The following LRRC9 variants were observed in gnomAD, a reference collection of about 807,000 sequenced individuals.
LRRC9 encodes the protein leucine rich repeat containing 9.
A neutral mutation model predicts 63.2 loss-of-function variants in LRRC9; 122 were observed. The ratio of observed to expected loss-of-function variants is 1.93; its 90% confidence interval spans 1.67 to 2.24. LRRC9 has a LOEUF of 2.24. Ranked by LOEUF, LRRC9 falls within the 30% of genes most tolerant of loss-of-function variation. The pLI is 0.00. For missense variants in LRRC9, 1,071 were observed against 627.7 expected, an observed-to-expected ratio of 1.71 and a Z score of -7.55; for synonymous variants, 366 against 213.1, an observed-to-expected ratio of 1.72 and a Z score of -6.25.
chr14:60,020,747 T>C lies in LRRC9; in HGVS notation c.3566+1487T>C, dbSNP rs1891057064. ...AGACGGTCTTTTGCCTCTGGCTTCT[T>C]ACACTCAGCATGATGTTTTCAAGGT... On this transcript the variant is annotated intron_variant, in intron 26 of 31. Coordinates refer to ENST00000445360, the Ensembl canonical transcript of LRRC9. Among the ~76,000 whole-genome samples, 7 of 152,080 alleles carry C rather than the reference T, an allele frequency of 4.6e-5. No homozygotes were observed. The South Asian group carries it at 1.5e-3, about 32-fold the overall frequency.
rs527371785 is a variant in LRRC9, at chr14:59,932,989, G to A, written c.543+950G>A. Among the ~76,000 whole-genome samples the A allele has an allele frequency of 1.3e-5, 2 of 152,114 alleles. No homozygotes were observed. Among genetic ancestry groups the A allele is most frequent in the African/African-American group, 4.8e-5 (2 of 41,518 alleles). ...CCCCACCACCCCTACCTATCTCTTT[G>A]ACTACAGTTTCTACCACTCTCTCCT... On this transcript the variant is annotated intron_variant, in intron 6 of 31. Coordinates refer to ENST00000445360, the Ensembl canonical transcript of LRRC9. The surrounding 1 kb of genome is among the most constrained non-coding windows in gnomAD (Gnocchi z 4.7).
intron 22 of LRRC9, among the ~76,000 whole-genome samples, chr14:60,007,169 A>G (rs983319833): frequency 6.6e-6 from 1 of 152,130 alleles, no homozygotes; most frequent in Admixed American, 6.6e-5. Flanking sequence ...TTGCTGATAC[A>G]ATATTACTAG....
At chr14:60,040,588 AT>A (rs1007522577) in intron 29 of LRRC9, among the ~76,000 whole-genome samples, 1 of 151,436 alleles carries the variant, frequency 6.6e-6, no homozygotes, top group African/African-American at 2.4e-5. Flanking sequence ...CAACCCCTGC[AT>A]TTTTTTGTTT....
chr14:60,042,131 C>G lies in LRRC9; in HGVS notation c.3990+10068C>G, dbSNP rs1044014676. On this transcript the variant is annotated intron_variant, in intron 29 of 31. Transcript: ENST00000445360. The surrounding 1 kb of genome is among the most constrained non-coding windows in gnomAD (Gnocchi z 4.2). ...TGGAACCTTCGTCTCAGAGGGGCAC[C>G]CAGCTGTATGAGGTGTCAGTCAGCC... 1.3e-5 allele frequency among the ~76,000 whole-genome samples: 2 copies of G among 152,176 alleles called. No individual in the cohort carries two copies. The highest frequency in any genetic ancestry group is 2.9e-5 in the Non-Finnish European group (2 of 68,024).
intron 26 of LRRC9, among the ~76,000 whole-genome samples, chr14:60,022,135 T>A (rs1183376097): frequency 1.3e-5 from 2 of 151,782 alleles, no homozygotes; most frequent in African/African-American, 4.8e-5. Flanking sequence ...CATAGAATAT[T>A]TCTCTATTTA....
At chr14:59,956,615 T>C (rs1229092771) in intron 8 of LRRC9, among the ~76,000 whole-genome samples, 7 of 152,228 alleles carry the variant, frequency 4.6e-5, no homozygotes, top group Non-Finnish European at 5.9e-5. Flanking sequence ...TGCCTTTTAA[T>C]TGGGGCATTT....
chr14:60,018,105 A>G (rs1424406914), intron 24 of LRRC9, among the ~76,000 whole-genome samples: 2 of 152,066 alleles, frequency 1.3e-5, no homozygotes, highest in African/African-American at 4.8e-5. Flanking sequence ...AGTTTCTTCT[A>G]TAATAGTGCT....
At chr14:60,005,644 A>C (rs1889748472) in intron 21 of LRRC9, among the ~76,000 whole-genome samples, 1 of 152,070 alleles carries the variant, frequency 6.6e-6, no homozygotes, top group South Asian at 2.1e-4. Context: ...GAGCACAGAT[A>C]ATTATTTGAT....
At chr14:60,029,829 C>T (rs1891853124) in intron 28 of LRRC9, among the ~76,000 whole-genome samples, 1 of 152,058 alleles carries the variant, frequency 6.6e-6, no homozygotes, top group African/African-American at 2.4e-5. Context: ...TAATGACCAG[C>T]TCTTCTTTGT....
intron 8 of LRRC9, among the ~76,000 whole-genome samples, chr14:59,952,898 A>G (rs1451970002): frequency 6.6e-6 from 1 of 152,156 alleles, no homozygotes; most frequent in East Asian, 1.9e-4. Context: ...TGTGAGTGAG[A>G]AAATGTGGTG....
At chr14:60,041,408 G>C (rs920812072) in intron 29 of LRRC9, among the ~76,000 whole-genome samples, 1 of 152,184 alleles carries the variant, frequency 6.6e-6, no homozygotes, top group Non-Finnish European at 1.5e-5. Flanking sequence ...ATCACACGTA[G>C]ATATGGTCTT....
intron 3 of LRRC9, among the ~76,000 whole-genome samples, chr14:59,929,111 A>AAACT (rs1381247424): frequency 1.3e-5 from 2 of 152,210 alleles, no homozygotes; most frequent in Non-Finnish European, 2.9e-5. Flanking sequence ...AGAGCAAAAG[A>AAACT]AACTATCAAC....
chr14:59,982,381 C>G (rs2140104156), intron 16 of LRRC9, among the ~76,000 whole-genome samples: 1 of 152,238 alleles, frequency 6.6e-6, no homozygotes, highest in East Asian at 1.9e-4. Flanking sequence ...CAAAATACCA[C>G]AGACTGAGTA....
intron 29 of LRRC9, among the ~76,000 whole-genome samples, chr14:60,034,312 C>T (rs1258832502): frequency 6.6e-6 from 1 of 151,928 alleles, no homozygotes; most frequent in Non-Finnish European, 1.5e-5. Context: ...CCACCGTGCT[C>T]AGCCTGTAAA....
chr14:59,949,187 T>C (rs866560456), intron 8 of LRRC9, among the ~76,000 whole-genome samples: 3 of 149,996 alleles, frequency 2.0e-5, no homozygotes, highest in Admixed American at 6.7e-5. Flanking sequence ...CAATTTCAGC[T>C]CCTGTTATTG....
chr14:59,928,681 C>T (rs1889420309), intron 3 of LRRC9, among the ~76,000 whole-genome samples, 195 bp downstream of exon 3: 2 of 151,728 alleles, frequency 1.3e-5, no homozygotes, highest in African/African-American at 4.8e-5. Flanking sequence ...TTTTAGTAAT[C>T]AAAGCAAATC....
chr14:60,045,727 G>C (rs1893364582), intron 29 of LRRC9, among the ~76,000 whole-genome samples: 1 of 152,138 alleles, frequency 6.6e-6, no homozygotes, highest in Admixed American at 6.5e-5. Flanking sequence ...TAGTGCTGCA[G>C]TAAACAAACG....
chr14:59,926,702 A>G (rs1889237106), intron 1 of LRRC9, among the ~76,000 whole-genome samples: 1 of 152,182 alleles, frequency 6.6e-6, no homozygotes, highest in Non-Finnish European at 1.5e-5. Flanking sequence ...AGTCATACTC[A>G]TTATGAGTAT....
At position 59,931,687 on chromosome 14, in the gene LRRC9, G is replaced by A. The variant is rs1182633096; in HGVS notation, c.472+5G>A. The A allele has an allele frequency of 1.5e-6, 1 of 683,026 alleles. No homozygotes were observed. The highest frequency in any genetic ancestry group is 2.6e-6 in the Non-Finnish European group (1 of 377,632). 42.3% of individuals were successfully genotyped at this position (683,026 alleles called of 1,614,324 possible). A position where few individuals can be genotyped will look rare whatever the true frequency, so the allele number is the denominator to read the frequency against. On this transcript the variant is annotated splice_donor_5th_base_variant and intron_variant, in intron 5 of 31. Coordinates refer to ENST00000445360, the Ensembl canonical transcript of LRRC9. ...GAAATCTAATAAATAGCATTGGTAT[G>A]TACTATTTCATTTGGAATCTGAGAT... is the stretch of plus-strand genomic sequence containing the variant.
Sources: gnomAD v4.1 joint callset for allele counts (sites outside exome capture counted in the v4.1 genomes callset) on GRCh38, gnomAD v4.1.1 for gene constraint, Gnocchi (gnomAD v3.1) non-coding constraint, MANE v1.5 for transcripts, NCBI Gene and HGNC (gene_info 2026-07-23, HGNC 2026-07-21) for gene names.